Variants in TENM1 observed in about 807,000 individuals in gnomAD.
TENM1 encodes the protein teneurin transmembrane protein 1.
In TENM1, 35 loss-of-function variants were observed where a neutral mutation model predicts 174.8. The ratio of observed to expected loss-of-function variants is 0.20; its 90% confidence interval spans 0.15 to 0.27. TENM1 has a LOEUF of 0.27. Among genes scored for constraint, TENM1 ranks in the 10% least tolerant of loss-of-function variants. The pLI is 1.00. For synonymous variants in TENM1, 781 were observed against 798.7 expected, an observed-to-expected ratio of 0.98 and a Z score of 0.37; for missense variants, 1,633 against 2,130.1, an observed-to-expected ratio of 0.77 and a Z score of 4.59.
the TENM1 span, among the ~76,000 whole-genome samples, chrX:125,121,594 A>C: frequency 3.6e-5 from 4 of 111,825 alleles, 1 homozygote; most frequent in Admixed American, 3.8e-4. Flanking sequence ...GGTATGAGAA[A>C]ATTTTCTCTA....
the TENM1 span, among the ~76,000 whole-genome samples, chrX:125,158,246 T>TA: frequency 9.3e-6 from 1 of 107,920 alleles, no homozygotes; most frequent in Admixed American, 1.0e-4. Flanking sequence ...CTACTAAAAA[T>TA]AAAAAAATTA....
the TENM1 span, among the ~76,000 whole-genome samples, chrX:125,097,531 T>C: frequency 8.9e-6 from 1 of 112,177 alleles, no homozygotes; most frequent in Middle Eastern, 4.6e-3. Context: ...TCACCTAAGG[T>C]GCAAACAGCT....
chrX:124,409,671 T>G (rs1182621750), intron 25 of TENM1, among the ~76,000 whole-genome samples: 1 of 107,366 alleles, frequency 9.3e-6, no homozygotes, highest in Non-Finnish European at 1.9e-5. Context: ...TTCAGCAAAG[T>G]CTCAGGATAC....
intron 20 of TENM1, among the ~76,000 whole-genome samples, chrX:124,488,029 A>G (rs764297589): frequency 6.2e-5 from 7 of 112,227 alleles, no homozygotes; most frequent in Non-Finnish European, 1.1e-4. Flanking sequence ...TCCATGCTCT[A>G]AAGGGCAACT....
exon 32 of TENM1, chrX:124,380,865 T>C (rs146731425): frequency 8.3e-7 from 1 of 1,209,542 alleles, no homozygotes; most frequent in African/African-American, 1.8e-5. Context: ...GCAAACCGTC[T>C]AGTCCTCCCA....
chrX:124,669,417 T>TA (rs986743845), intron 6 of TENM1, among the ~76,000 whole-genome samples: 2 of 111,764 alleles, frequency 1.8e-5, no homozygotes, highest in Admixed American at 1.9e-4. Context: ...GTGCATACAG[T>TA]ATCAGGACAA....
chrX:125,002,180 C>A, the TENM1 span, among the ~76,000 whole-genome samples: 1 of 111,387 alleles, frequency 9.0e-6, no homozygotes, highest in Non-Finnish European at 1.9e-5. Context: ...AGTTGGTATA[C>A]AGTATGTTGT....
chrX:124,923,740 A>T (rs185483371), intron 1 of TENM1, among the ~76,000 whole-genome samples: 14 of 112,127 alleles, frequency 1.2e-4, no homozygotes, highest in Non-Finnish European at 2.1e-4. Context: ...TATGACGGGG[A>T]AGATGGATCA....
the TENM1 span, among the ~76,000 whole-genome samples, chrX:125,172,637 A>G: frequency 9.0e-6 from 1 of 111,528 alleles, no homozygotes; most frequent in African/African-American, 3.3e-5. Flanking sequence ...GAAAAACAGC[A>G]GAAAATGACT....
At chrX:124,384,284 T>A (rs756312912) in exon 30 of TENM1, 2 of 1,207,587 alleles carry the variant, frequency 1.7e-6, no homozygotes, top group South Asian at 3.5e-5. Context: ...CATTTTATAC[T>A]GAATTTCTCC....
At chrX:124,480,353 T>C (rs2046815937) in intron 22 of TENM1, among the ~76,000 whole-genome samples, 1 of 111,937 alleles carries the variant, frequency 8.9e-6, no homozygotes, top group African/African-American at 3.3e-5. Flanking sequence ...GAAAGTGAAA[T>C]CTTTAAACTG....
At chrX:125,071,406 G>A in the TENM1 span, among the ~76,000 whole-genome samples, 13 of 111,442 alleles carry the variant, frequency 1.2e-4, no homozygotes, top group Non-Finnish European at 1.9e-4. Flanking sequence ...TACTTTTCCC[G>A]TACAATAAGA....
intron 3 of TENM1, among the ~76,000 whole-genome samples, chrX:124,822,979 G>A (rs777053482): frequency 7.6e-4 from 86 of 112,424 alleles, no homozygotes; most frequent in African/African-American, 2.7e-3. Flanking sequence ...GATGATAGCT[G>A]AAGAGCTTAC....
intron 8 of TENM1, among the ~76,000 whole-genome samples, 200 bp from the exon 12 acceptor site, chrX:124,647,010 GT>G (rs2051176986): frequency 9.0e-6 from 1 of 110,818 alleles, no homozygotes; most frequent in African/African-American, 3.3e-5. Flanking sequence ...AGGGCCCTGG[GT>G]TTGCTGACTT....
At chrX:124,660,847 A>C (rs2051582115) in intron 6 of TENM1, among the ~76,000 whole-genome samples, 1 of 112,076 alleles carries the variant, frequency 8.9e-6, no homozygotes, top group African/African-American at 3.2e-5. Flanking sequence ...TTAAACACAG[A>C]ATTACCATAT....
chrX:124,716,249 C>T (rs2053179377), intron 4 of TENM1, among the ~76,000 whole-genome samples: 1 of 112,036 alleles, frequency 8.9e-6, no homozygotes, highest in Non-Finnish European at 1.9e-5. Flanking sequence ...CAGCCAGAAG[C>T]AGAGACTGCT....
At chrX:124,949,003 G>A (rs1374050160) in intron 1 of TENM1, among the ~76,000 whole-genome samples, 1 of 111,793 alleles carries the variant, frequency 8.9e-6, no homozygotes, top group Admixed American at 9.5e-5. Context: ...AAGTTACAGA[G>A]CAAGGGCATG....
chrX:124,812,589 CAG>C (rs964473169), intron 3 of TENM1, among the ~76,000 whole-genome samples: 3 of 110,656 alleles, frequency 2.7e-5, no homozygotes, highest in African/African-American at 9.8e-5. Context: ...AAATCAGAAA[CAG>C]AGATCACAAT....
At chrX:124,464,121 T>C (rs186253989) in intron 22 of TENM1, among the ~76,000 whole-genome samples, 112 of 111,118 alleles carry the variant, frequency 1.0e-3, no homozygotes, top group African/African-American at 3.4e-3. Flanking sequence ...ACTACTCAGA[T>C]ACATTTGAAA....
Sources: gnomAD v4.1 joint callset for allele counts (sites outside exome capture counted in the v4.1 genomes callset) on GRCh38, gnomAD v4.1.1 for gene constraint, MANE v1.5 for transcripts, NCBI Gene and HGNC (gene_info 2026-07-23, HGNC 2026-07-21) for gene names.